Variants in MAP3K15 observed in about 807,000 individuals in gnomAD.
MAP3K15 encodes mitogen-activated protein kinase kinase kinase 15.
A neutral mutation model predicts 99.5 loss-of-function variants in MAP3K15; 124 were observed. The observed-to-expected ratio is 1.25, with a 90% CI of 1.08 to 1.45. The LOEUF is 1.45. Among genes scored for constraint, MAP3K15 ranks in the 40% most tolerant of loss-of-function variants. MAP3K15 has a pLI of 0.00. For missense variants in MAP3K15, 1,242 were observed against 1,079.7 expected, an observed-to-expected ratio of 1.15 and a Z score of -2.11; for synonymous variants, 494 against 439.6, an observed-to-expected ratio of 1.12 and a Z score of -1.55.
intron 24 of MAP3K15, among the ~76,000 whole-genome samples, chrX:19,370,514 G>A: frequency 9.0e-6 from 1 of 111,466 alleles, no homozygotes; most frequent in African/African-American, 3.3e-5. Flanking sequence ...TCCTGCCTCA[G>A]CCTCCCGAGT....
In MAP3K15 at chrX:19,442,562, C is replaced by T. The variant is rs189209632; in HGVS notation, c.996-10954G>A. 3.8e-3 allele frequency among the ~76,000 whole-genome samples: 395 copies of T among 103,982 alleles called. 3 individuals carry two copies. The highest frequency in any genetic ancestry group is 0.012 in the African/African-American group (351 of 28,662). 90.3% of individuals were successfully genotyped at this position (103,982 alleles called of 115,157 possible). A position where few individuals can be genotyped will look rare whatever the true frequency, so the allele number is the denominator to read the frequency against. On this transcript the variant is annotated intron_variant, in intron 6 of 28. Coordinates refer to ENST00000338883, the MANE Select transcript of MAP3K15 (RefSeq NM_001001671.4). ...TTTTTGAGGCAGAGTCTCACTCTGTCGCCCAGATTGGAGTACAGTGGTGCG... is the reference window on the plus strand; with the variant it reads ...TTTTTGAGGCAGAGTCTCACTCTGTTGCCCAGATTGGAGTACAGTGGTGCG...
intron 1 of MAP3K15, among the ~76,000 whole-genome samples, chrX:19,492,646 T>C (rs2147408601): frequency 8.9e-6 from 1 of 111,949 alleles, no homozygotes; most frequent in African/African-American, 3.2e-5. Context: ...GATTGCTTCC[T>C]GGACTCTTAC....
intron 4 of MAP3K15, 49 bp downstream of exon 4, chrX:19,464,164 G>T (rs1306362996): frequency 7.7e-6 from 8 of 1,039,960 alleles, no homozygotes; most frequent in Non-Finnish European, 1.0e-5. Flanking sequence ...AAAGAAATGG[G>T]GACATCTTGG....
intron 1 of MAP3K15, among the ~76,000 whole-genome samples, chrX:19,490,991 C>T (rs1228818268): frequency 2.7e-5 from 3 of 111,219 alleles, no homozygotes; most frequent in Non-Finnish European, 5.6e-5. Context: ...AACTCATGCT[C>T]GCACTGCTGT....
chrX:19,507,575 CAAAAAAAAAAAAAAAA>C (rs1165492097), intron 1 of MAP3K15, among the ~76,000 whole-genome samples: 46 of 10,896 alleles, frequency 4.2e-3, no homozygotes, highest in African/African-American at 0.012. Flanking sequence ...CACCTTGTCT[CAAAAAAAAAAAAAAAA>C]AAAAAAAAAA....
intron 24 of MAP3K15, among the ~76,000 whole-genome samples, chrX:19,369,619 T>C (rs777506726): frequency 9.1e-6 from 1 of 109,453 alleles, no homozygotes; most frequent in Non-Finnish European, 1.9e-5. Flanking sequence ...AAAAAATATA[T>C]ACAAAAATTA....
chrX:19,515,346 C>A lies in MAP3K15; in HGVS notation c.-85G>T, dbSNP rs1157028688. Reference sequence around the variant, plus strand: ...GCACAAGTTACAGCAGCCGCGCAGGCGGTCCCGGCACCTGCTCCTGAAGCG... The same window carrying A: ...GCACAAGTTACAGCAGCCGCGCAGGAGGTCCCGGCACCTGCTCCTGAAGCG... On this transcript the variant is annotated 5_prime_UTR_variant, in exon 1 of 29. Transcript: ENST00000338883. 3.3e-6 allele frequency: 2 copies of A among 604,688 alleles called. No homozygotes were observed. The highest frequency in any genetic ancestry group is 4.1e-6 in the Non-Finnish European group (2 of 490,886). The allele number at this position is 604,688 out of a possible 1,213,427, so 49.8% of individuals were successfully genotyped here.
In MAP3K15 at chrX:19,514,976, C is replaced by G. The variant is rs757004787; in HGVS notation, c.286G>C (p.Ala96Pro). Residue 96 changes from alanine (A) to proline (P), a missense_variant, in exon 1 of 29, where the codon GCT becomes CCT. Ala to Pro is a conservative substitution (Grantham distance 27). Coordinates refer to ENST00000338883, the MANE Select transcript of MAP3K15 (RefSeq NM_001001671.4). The part of the protein sequence containing the change: ...CLLRACEAEG[A>P]HLTSVPFGEL... ...CCGAAGGGCACGGAGGTGAGGTGAG[C>G]GCCCTCGGCCTCGCAGGCCCGCAGC... The G allele has an allele frequency of 8.8e-7, 1 of 1,133,793 alleles. No individual in the cohort carries two copies. The highest frequency in any genetic ancestry group is 2.6e-5 in the Admixed American group (1 of 38,695). 93.4% of individuals were successfully genotyped at this position (1,133,793 alleles called of 1,213,427 possible). A position where few individuals can be genotyped will look rare whatever the true frequency, so the allele number is the denominator to read the frequency against.
intron 25 of MAP3K15, among the ~76,000 whole-genome samples, chrX:19,366,977 C>T (rs980064254): frequency 3.2e-4 from 36 of 111,582 alleles, no homozygotes; most frequent in Non-Finnish European, 2.3e-4. Flanking sequence ...ACCCAGCAAC[C>T]TCATTACTGG....
intron 3 of MAP3K15, among the ~76,000 whole-genome samples, chrX:19,472,587 G>T (rs1234339433): frequency 9.0e-6 from 1 of 111,304 alleles, no homozygotes; most frequent in East Asian, 2.8e-4. Context: ...CAAATGAAAA[G>T]TATCAGAAAT....
At chrX:19,454,661 A>C (rs1345877341) in intron 6 of MAP3K15, among the ~76,000 whole-genome samples, 1 of 111,892 alleles carries the variant, frequency 8.9e-6, no homozygotes, top group Admixed American at 9.5e-5. Context: ...CTAAAGGTCA[A>C]CCTTCATGCA....
rs779039808 is a variant in MAP3K15 at position 19,426,621 on chromosome X, C to G, written c.1167-278G>C. Among the ~76,000 whole-genome samples the G allele has an allele frequency of 2.7e-5, 3 of 109,345 alleles. No homozygotes were observed. In the South Asian group the frequency reaches 1.2e-3, roughly 43 times the overall value. 95.0% of individuals were successfully genotyped at this position (109,345 alleles called of 115,157 possible). ...CTTGAGGCCAGGAGTTTAAGGCCAGCCTGGCCAAAACGGTGAAACCCCATC... is the reference window on the plus strand; with the variant it reads ...CTTGAGGCCAGGAGTTTAAGGCCAGGCTGGCCAAAACGGTGAAACCCCATC... On this transcript the variant is annotated intron_variant, in intron 7 of 28. Transcript: ENST00000338883.
chrX:19,448,908 C>G (rs191847533), intron 6 of MAP3K15, among the ~76,000 whole-genome samples: 15 of 109,668 alleles, frequency 1.4e-4, no homozygotes, highest in African/African-American at 4.9e-4. Flanking sequence ...TTTAAAGCCT[C>G]AAATTAATTC....
At chrX:19,459,367 C>T (rs146471829) in intron 5 of MAP3K15, among the ~76,000 whole-genome samples, 1,463 of 112,218 alleles carry the variant, frequency 0.013, 11 homozygotes, top group Non-Finnish European at 0.018. Flanking sequence ...GGGCTTGGTA[C>T]AATGCCTAGT....
At chrX:19,377,230 T>A (rs188752988) in intron 19 of MAP3K15, among the ~76,000 whole-genome samples, 1 of 112,786 alleles carries the variant, frequency 8.9e-6, no homozygotes, top group Non-Finnish European at 1.9e-5. Context: ...TGACTTCATA[T>A]GCCATCCAAA....
In MAP3K15 at chrX:19,490,919, G is replaced by A. The variant is rs755154350; in HGVS notation, c.362-1952C>T. ...TCAAAACATTCTAGAGGATGTAAGA[G>A]TTCCAAGTTTGATGGGAGCTTCCTT... On this transcript the variant is annotated intron_variant, in intron 1 of 28. Transcript: ENST00000338883. Among the ~76,000 whole-genome samples, 13 of 111,645 alleles carry A rather than the reference G, an allele frequency of 1.2e-4. 1 individual carries two copies. The highest frequency in any genetic ancestry group is 2.3e-4 in the Non-Finnish European group (12 of 53,180).
Position 19,421,794 on chromosome X carries a change from G to A in MAP3K15, c.1439+3737C>T, listed in dbSNP as rs188478377. 8.8e-3 allele frequency among the ~76,000 whole-genome samples: 970 copies of A among 109,742 alleles called. 31 individuals carry two copies. Among genetic ancestry groups the A allele is most frequent in the Admixed American group, 0.076 (783 of 10,281 alleles). On this transcript the variant is annotated intron_variant, in intron 9 of 28. Transcript: ENST00000338883. ...ACTTCAAACTATACTACAAGGCTACGGTAACCAAAACAGCATGCTACTGGT... is the reference window on the plus strand; with the variant it reads ...ACTTCAAACTATACTACAAGGCTACAGTAACCAAAACAGCATGCTACTGGT...
chrX:19,431,597 G>A lies in MAP3K15; in HGVS notation c.1007C>T (p.Thr336Ile), dbSNP rs1197475119. 1 of 1,195,006 alleles carries A rather than the reference G, an allele frequency of 8.4e-7. No individual in the cohort carries two copies. Among genetic ancestry groups the A allele is most frequent in the Non-Finnish European group, 1.1e-6 (1 of 892,963 alleles). ...YAFALNRRNS[T>I]GDREKALQIM... ...CTGCAGAGCCTTCTCACGGTCACCTGTGCTGTTTCTCCTGAAAGATAGATG... is the reference window on the plus strand; with the variant it reads ...CTGCAGAGCCTTCTCACGGTCACCTATGCTGTTTCTCCTGAAAGATAGATG... Residue 336 changes from threonine (T) to isoleucine (I), a missense_variant, in exon 7 of 29, where the codon ACA becomes ATA. Coordinates refer to ENST00000338883, the MANE Select transcript of MAP3K15 (RefSeq NM_001001671.4).
At chrX:19,372,954 T>C in intron 21 of MAP3K15, 127 bp from the exon 22 acceptor site, 1 of 641,234 alleles carries the variant, frequency 1.6e-6, no homozygotes. Context: ...CTCAAGAAGA[T>C]GAAATTGCCG....
Sources: gnomAD v4.1 joint callset for allele counts (sites outside exome capture counted in the v4.1 genomes callset) on GRCh38, gnomAD v4.1.1 for gene constraint, MANE v1.5 for transcripts, NCBI Gene and HGNC (gene_info 2026-07-23, HGNC 2026-07-21) for gene names.